Variants in UROC1 observed in about 807,000 individuals in gnomAD.
UROC1 encodes urocanate hydratase.
Under a neutral mutation model 89.5 loss-of-function variants are expected in UROC1, and 79 were observed. The ratio of observed to expected loss-of-function variants is 0.88; its 90% CI spans 0.74 to 1.06. UROC1 has a LOEUF of 1.06. UROC1 is among the 50% of genes least tolerant of loss of function. UROC1 has a pLI of 0.00. For missense variants in UROC1, 885 were observed against 907.8 expected (o/e 0.97, Z 0.32); for synonymous variants, 361 against 354.8 (o/e 1.02, Z -0.20).
In UROC1 at chr3:126,482,380, C is replaced by T. The variant is rs1181715821; in HGVS notation, c.1996G>A (p.Asp666Asn). 6.2e-7 allele frequency: 1 copy of T among 1,613,844 alleles called. No individual in the cohort carries two copies. The highest frequency in any genetic ancestry group is 1.1e-5 in the South Asian group (1 of 91,066). The change falls in exon 20 of 20, where the codon GAC becomes AAC. Residue 666 changes from aspartate (D) to asparagine (N), a missense_variant. Asp to Asn is a conservative substitution (Grantham distance 23, BLOSUM62 1). Transcript: ENST00000290868. Reference sequence around the variant, plus strand: ...AGGGCCTGCTGGAGCACCCGCTCGTCCTCCACCTTGTGAGGCAGTGTCACC... The same window carrying T: ...AGGGCCTGCTGGAGCACCCGCTCGTTCTCCACCTTGTGAGGCAGTGTCACC... ...LVVTLPHKVE[D>N]ERVLQQALQL
chr3:126,495,943 G>GT, intron 15 of UROC1, 95 bp downstream of exon 15: 1 of 1,257,586 alleles, frequency 8.0e-7, no homozygotes, highest in Non-Finnish European at 1.1e-6. Flanking sequence ...GCTGGAGGCT[G>GT]TGGACCAGGC....
At position 126,496,040 on chromosome 3, in the gene UROC1, G is replaced by A; in HGVS notation, c.1507C>T (p.Leu503=). ...CTCCCCCAGGCCTGGGCCCTCACCA[G>A]CCGGTGCCTGGCGGCCTCCCGGATC... The part of the protein sequence containing the change: ...RWIREAARHR[L]VVGSQARILY... The change falls in exon 15 of 20, where the codon CTG becomes TTG. Residue 503 remains leucine (L), a splice_region_variant and synonymous_variant. Coordinates refer to ENST00000290868, the MANE Select transcript of UROC1 (RefSeq NM_144639.3). 6.2e-7 allele frequency: 1 copy of A among 1,613,100 alleles called. No individual in the cohort carries two copies. The highest frequency in any genetic ancestry group is 8.5e-7 in the Non-Finnish European group (1 of 1,179,936).
chr3:126,496,025 C>T lies in UROC1; in HGVS notation c.1509+13G>A, dbSNP rs759334208. 1 of 1,612,150 alleles carries T rather than the reference C, an allele frequency of 6.2e-7. No homozygotes were observed. The highest frequency in any genetic ancestry group is 2.2e-5 in the East Asian group (1 of 44,878). The stretch of plus-strand genomic sequence containing the variant: ...CACAGCCACCCCAGCCTCCCCCAGG[C>T]CTGGGCCCTCACCAGCCGGTGCCTG... On this transcript the variant is annotated intron_variant, in intron 15 of 19. Coordinates refer to ENST00000290868, the MANE Select transcript of UROC1 (RefSeq NM_144639.3).
chr3:126,499,658 G>A (rs1935868507), intron 12 of UROC1, among the ~76,000 whole-genome samples: 1 of 152,254 alleles, frequency 6.6e-6, no homozygotes, highest in South Asian at 2.1e-4. Flanking sequence ...CACCTGCAGG[G>A]AGGTAGACAG....
Position 126,505,862 on chromosome 3 carries a change from G to A in UROC1, c.670-18C>T. 1 of 1,613,170 alleles carries A rather than the reference G, an allele frequency of 6.2e-7. No homozygotes were observed. The highest frequency in any genetic ancestry group is 8.5e-7 in the Non-Finnish European group (1 of 1,179,954). On this transcript the variant is annotated intron_variant, in intron 7 of 19. Coordinates refer to ENST00000290868, the MANE Select transcript of UROC1 (RefSeq NM_144639.3). ...ACGGTGAGCTGCAGGGAGAAGAGGT[G>A]GGGGCTCACTGCCCACTCCCAGCCC...
At position 126,482,139 on chromosome 3, in the gene UROC1, G is replaced by A. The variant is rs372842139; in HGVS notation, c.*206C>T. ...CTCCCATGCAAGTGGCATGGTTGTG[G>A]ACAGAGAGCTGCATGTCTCTGGGCC... On this transcript the variant is annotated 3_prime_UTR_variant, in exon 20 of 20. Transcript: ENST00000290868. The A allele has an allele frequency of 1.3e-5, 9 of 688,674 alleles. No homozygotes were observed. The highest frequency in any genetic ancestry group is 7.5e-5 in the South Asian group (4 of 53,010). 42.7% of individuals were successfully genotyped at this position (688,674 alleles called of 1,614,324 possible).
chr3:126,514,549 G>A (rs994096267), intron 1 of UROC1, among the ~76,000 whole-genome samples: 22 of 152,112 alleles, frequency 1.4e-4, no homozygotes, highest in African/African-American at 4.8e-4. Flanking sequence ...TGACACGCAC[G>A]TTAGTTCATC....
At chr3:126,498,237 G>A (rs1406782794) in intron 13 of UROC1, 65 bp from the exon 14 acceptor site, 1 of 1,612,132 alleles carries the variant, frequency 6.2e-7, no homozygotes, top group South Asian at 1.1e-5. Context: ...GTGCAGGTGT[G>A]AGCATGCCAG....
chr3:126,489,407 A>G, intron 16 of UROC1, 32 bp from the exon 17 acceptor site: 2 of 1,565,342 alleles, frequency 1.3e-6, no homozygotes, highest in Non-Finnish European at 1.8e-6. Flanking sequence ...CTGTCAGCCA[A>G]CAGTGTCCAC....
At chr3:126,493,882 G>A (rs1935713760) in intron 15 of UROC1, among the ~76,000 whole-genome samples, 1 of 152,216 alleles carries the variant, frequency 6.6e-6, no homozygotes, top group Admixed American at 6.5e-5. Flanking sequence ...ACCAGGAGCC[G>A]GTAAAAGGCA....
chr3:126,494,143 G>T (rs961151799), intron 15 of UROC1, among the ~76,000 whole-genome samples: 2 of 151,968 alleles, frequency 1.3e-5, no homozygotes, highest in Admixed American at 6.6e-5. Flanking sequence ...TTGTCAAGAG[G>T]GTACATTAAA....
chr3:126,498,165 A>G lies in UROC1; in HGVS notation c.1324T>C (p.Phe442Leu), dbSNP rs1935828201. ...SYVQHIMGDI[F>L]SQGFGPFRWV... ...CGGAAAGGCCCAAATCCCTGGGAGA[A>G]TATGTCCCTGCAAGCACAGATGCCT... The change falls in exon 14 of 20, where the codon TTC becomes CTC. Residue 442 changes from phenylalanine (F) to leucine (L), a missense_variant. Physicochemically the swap from Phe to Leu is conservative, Grantham distance 22. Coordinates refer to ENST00000290868, the MANE Select transcript of UROC1 (RefSeq NM_144639.3). 2 of 1,614,042 alleles carry G rather than the reference A, an allele frequency of 1.2e-6. No individual in the cohort carries two copies. The highest frequency in any genetic ancestry group is 1.3e-5 in the African/African-American group (1 of 74,942).
intron 1 of UROC1, among the ~76,000 whole-genome samples, chr3:126,516,767 C>T (rs1281312484): frequency 1.4e-5 from 2 of 142,528 alleles, no homozygotes; most frequent in Non-Finnish European, 3.0e-5. Flanking sequence ...CTACTGTCCC[C>T]ACTGTGTCCT....
Position 126,495,956 on chromosome 3 carries a change from A to G in UROC1, c.1509+82T>C, listed in dbSNP as rs1935765298. On this transcript the variant is annotated intron_variant, in intron 15 of 19. Transcript: ENST00000290868. ...AAGCTGGAGGCTGTGGACCAGGCTG[A>G]GCGCCCGTCAGCAGCACCTCACCTT... The G allele has an allele frequency of 4.4e-6, 6 of 1,374,904 alleles. No individual in the cohort carries two copies. The Admixed American group carries it at 9.6e-5, about 22-fold the overall frequency. 85.2% of individuals were successfully genotyped at this position (1,374,904 alleles called of 1,614,324 possible).
intron 9 of UROC1, chr3:126,502,026 A>G: frequency 7.0e-7 from 1 of 1,437,544 alleles, no homozygotes; most frequent in Non-Finnish European, 9.2e-7. Context: ...TGTGGCAGAC[A>G]GGTTGCTCGA....
Position 126,501,224 on chromosome 3 carries a change from G to A in UROC1, c.959C>T (p.Ala320Val). ...LSLGYHGNVV[A>V]LWERLVHELD... ...ACTCCCAACCCCCACTCACCAAAGA[G>A]CCACCACGTTGCCATGGTAACCAAG... Residue 320 changes from alanine (A) to valine (V), a missense_variant, in exon 10 of 20, where the codon GCT becomes GTT. Ala to Val is a moderately conservative substitution (Grantham distance 64). Transcript: ENST00000290868. The A allele has an allele frequency of 6.2e-7, 1 of 1,614,114 alleles. No homozygotes were observed. The highest frequency in any genetic ancestry group is 8.5e-7 in the Non-Finnish European group (1 of 1,180,004).
intron 8 of UROC1, among the ~76,000 whole-genome samples, chr3:126,504,461 A>G (rs1262374744): frequency 6.6e-6 from 1 of 152,210 alleles, no homozygotes; most frequent in Non-Finnish European, 1.5e-5. Flanking sequence ...AAATAGAGTC[A>G]TAGCAGACAC....
chr3:126,491,054 T>C (rs1242726614), intron 16 of UROC1, among the ~76,000 whole-genome samples: 1 of 152,190 alleles, frequency 6.6e-6, no homozygotes, highest in African/African-American at 2.4e-5. Flanking sequence ...TGCTCTTGAA[T>C]GAAGAGGTCT....
intron 15 of UROC1, 45 bp downstream of exon 15, chr3:126,495,993 C>G: frequency 6.3e-7 from 1 of 1,592,464 alleles, no homozygotes; most frequent in Non-Finnish European, 8.6e-7. Flanking sequence ...GGGCAGTCTT[C>G]TGACAGCACA....
Sources: allele counts gnomAD v4.1 joint callset (sites outside exome capture counted in the v4.1 genomes callset), GRCh38; gene constraint gnomAD v4.1.1; transcripts MANE v1.5; gene names NCBI Gene and HGNC (gene_info 2026-07-23, HGNC 2026-07-21).